Variants in SUPT4H1 observed in about 807,000 individuals in gnomAD.
SUPT4H1 encodes the protein transcription elongation factor SPT4.
In SUPT4H1, 12 loss-of-function variants were observed where a neutral mutation model predicts 19.4. The ratio of observed to expected loss-of-function variants is 0.62; its 90% CI spans 0.40 to 1.00. The LOEUF (loss-of-function observed/expected upper bound fraction) is 1.00, where lower values mean the gene tolerates loss of function less well. Among genes scored for constraint, SUPT4H1 ranks in the 50% least tolerant of loss-of-function variants. SUPT4H1 has a pLI of 0.00. For missense variants in SUPT4H1, 115 were observed against 149.2 expected, an observed-to-expected ratio of 0.77 and a Z score of 1.19; for synonymous variants, 58 against 56.3, an observed-to-expected ratio of 1.03 and a Z score of -0.14.
chr17:58,351,654 T>C, intron 1 of SUPT4H1, 146 bp from the exon 2 acceptor site: 1 of 612,704 alleles, frequency 1.6e-6, no homozygotes, highest in Non-Finnish European at 2.9e-6. Context: ...CCTACTACTC[T>C]CAAAGCTTCA....
At chr17:58,351,363 G>GT in intron 2 of SUPT4H1, 39 bp downstream of exon 2, 1 of 1,425,976 alleles carries the variant, frequency 7.0e-7, no homozygotes, top group East Asian at 2.3e-5. Context: ...TGCAGGTTGG[G>GT]TAATGCAGAA....
intron 2 of SUPT4H1, among the ~76,000 whole-genome samples, chr17:58,348,438 G>A (rs755553732): frequency 1.3e-5 from 2 of 152,020 alleles, no homozygotes; most frequent in Non-Finnish European, 2.9e-5. Context: ...TCAGCCATGC[G>A]CTGTTAAGTG....
rs376090165 is a variant in SUPT4H1, at chr17:58,347,567, C to T, written c.194G>A (p.Ser65Asn). The change falls in exon 3 of 5, where the codon AGT (serine) becomes AAT (asparagine). Residue 65 changes from serine to asparagine, a missense_variant. By Grantham distance (46) the Ser-to-Asn change is conservative (BLOSUM62 1). Transcript: ENST00000225504. ...SSFDGIIAMM[S>N]PEDSWVSKWQ... ...CTTGGAGACCCAGCTGTCCTCTGGA[C>T]TCATCATCGCAATGATTCTAGGGAG... The T allele has an allele frequency of 1.9e-6, 3 of 1,614,086 alleles. No individual in the cohort carries two copies. The highest frequency in any genetic ancestry group is 2.7e-5 in the African/African-American group (2 of 74,922).
Position 58,352,170 on chromosome 17 carries a change from G to T in SUPT4H1, c.-35C>A. 4.4e-6 allele frequency: 7 copies of T among 1,605,782 alleles called. No individual in the cohort carries two copies. Among genetic ancestry groups the T allele is most frequent in the Middle Eastern group, 1.7e-4 (1 of 6,042 alleles). Reference sequence around the variant, plus strand: ...TGGGAAGAACAACAGGGAGATAGACGACCACAGCCTGTGCACCCGCAGGAA... The same window carrying T: ...TGGGAAGAACAACAGGGAGATAGACTACCACAGCCTGTGCACCCGCAGGAA... On this transcript the variant is annotated 5_prime_UTR_variant, in exon 1 of 5. Transcript: ENST00000225504.
Position 58,346,182 on chromosome 17 carries a change from C to G in SUPT4H1, c.*64G>C. 7.4e-7 allele frequency: 1 copy of G among 1,358,692 alleles called. No homozygotes were observed. The highest frequency in any genetic ancestry group is 1.1e-6 in the Non-Finnish European group (1 of 948,982). The allele number at this position is 1,358,692 out of a possible 1,614,324, so 84.2% of individuals were successfully genotyped here. A position where few individuals can be genotyped will look rare whatever the true frequency, so the allele number is the denominator to read the frequency against. On this transcript the variant is annotated 3_prime_UTR_variant, in exon 5 of 5. Coordinates refer to ENST00000225504, the MANE Select transcript of SUPT4H1 (RefSeq NM_003168.3). ...TATTTGAAGTTCTGTTCATTTAGTT[C>G]CAGAACAAGAAATAAGCAGAGGCAG...
Position 58,347,250 on chromosome 17 carries a change from G to C in SUPT4H1, c.233-9C>G, listed in dbSNP as rs765465027. The C allele has an allele frequency of 3.1e-6, 5 of 1,613,372 alleles. No homozygotes were observed. In the African/African-American group the frequency reaches 6.7e-5, roughly 22 times the overall value. On this transcript the variant is annotated splice_polypyrimidine_tract_variant and intron_variant, in intron 3 of 4. Transcript: ENST00000225504. Reference sequence around the variant, plus strand: ...ACCTGGCTTAAAGTTACCTGAGAGAGAAGAAAAAAGATACAAGATTACAGT... The same window carrying C: ...ACCTGGCTTAAAGTTACCTGAGAGACAAGAAAAAAGATACAAGATTACAGT...
chr17:58,352,016 T>C, intron 1 of SUPT4H1, 51 bp downstream of exon 1: 1 of 1,600,178 alleles, frequency 6.2e-7, no homozygotes, highest in Non-Finnish European at 8.6e-7. Flanking sequence ...CCGCCCTCTT[T>C]CCCCGACCTT....
At chr17:58,351,305 G>T in intron 2 of SUPT4H1, 97 bp downstream of exon 2, 1 of 748,582 alleles carries the variant, frequency 1.3e-6, no homozygotes, top group Non-Finnish European at 2.2e-6. Flanking sequence ...AAAACGAATG[G>T]CTGGGCCCAA....
chr17:58,351,683 C>G lies in SUPT4H1; in HGVS notation c.70-175G>C, dbSNP rs539424986. 6 of 586,334 alleles carry G rather than the reference C, an allele frequency of 1.0e-5. No homozygotes were observed. In the African/African-American group the frequency reaches 1.1e-4, roughly 11 times the overall value. The allele number at this position is 586,334 out of a possible 1,614,324, so 36.3% of individuals were successfully genotyped here. ...AGCTTCATTCCTAAGTCCCACCCTCCCACTCCTTCCTCTCTCGTTCCCAAT... is the reference window on the plus strand; with the variant it reads ...AGCTTCATTCCTAAGTCCCACCCTCGCACTCCTTCCTCTCTCGTTCCCAAT... On this transcript the variant is annotated intron_variant, in intron 1 of 4. Coordinates refer to ENST00000225504, the MANE Select transcript of SUPT4H1 (RefSeq NM_003168.3).
chr17:58,348,771 A>G (rs1972385709), intron 2 of SUPT4H1, among the ~76,000 whole-genome samples: 1 of 152,198 alleles, frequency 6.6e-6, no homozygotes, highest in Non-Finnish European at 1.5e-5. Context: ...TTAAGAGGAA[A>G]GTACTACCTC....
At chr17:58,351,574 G>C (rs1380896522) in intron 1 of SUPT4H1, 66 bp from the exon 2 acceptor site, 7 of 1,152,366 alleles carry the variant, frequency 6.1e-6, no homozygotes, top group Non-Finnish European at 9.1e-6. Flanking sequence ...AGAAAAAGTA[G>C]CTTTCTCAAT....
intron 4 of SUPT4H1, among the ~76,000 whole-genome samples, chr17:58,346,577 G>A (rs1276805759): frequency 3.3e-5 from 5 of 151,976 alleles, no homozygotes; most frequent in Non-Finnish European, 7.4e-5. Flanking sequence ...TTAAAAATTA[G>A]CCAGGTGTAG....
chr17:58,346,773 C>T (rs1425194294), intron 4 of SUPT4H1, among the ~76,000 whole-genome samples: 3 of 146,736 alleles, frequency 2.0e-5, no homozygotes, highest in Admixed American at 1.4e-4. Flanking sequence ...CTAGTGAAGA[C>T]CCAGGCAGGT....
intron 4 of SUPT4H1, 33 bp downstream of exon 4, chr17:58,347,155 T>G (rs1217258269): frequency 6.3e-7 from 1 of 1,599,760 alleles, no homozygotes; most frequent in East Asian, 2.2e-5. Flanking sequence ...AGCTTTACAG[T>G]AAATGAACAT....
Position 58,352,168 on chromosome 17 carries a change from A to T in SUPT4H1, c.-33T>A. ...GATGGGAAGAACAACAGGGAGATAG[A>T]CGACCACAGCCTGTGCACCCGCAGG... On this transcript the variant is annotated 5_prime_UTR_variant, in exon 1 of 5. Transcript: ENST00000225504. 4 of 1,608,998 alleles carry T rather than the reference A, an allele frequency of 2.5e-6. No individual in the cohort carries two copies. The highest frequency in any genetic ancestry group is 1.7e-6 in the Non-Finnish European group (2 of 1,175,500).
intron 4 of SUPT4H1, among the ~76,000 whole-genome samples, chr17:58,346,663 C>T (rs1308930699): frequency 7.2e-6 from 1 of 138,720 alleles, no homozygotes; most frequent in Non-Finnish European, 1.5e-5. Flanking sequence ...TTCAAGGCTG[C>T]AGTGAGCTCT....
At chr17:58,350,665 G>T (rs929734462) in intron 2 of SUPT4H1, among the ~76,000 whole-genome samples, 1 of 151,046 alleles carries the variant, frequency 6.6e-6, no homozygotes, top group Non-Finnish European at 1.5e-5. Context: ...GTGAAACCCC[G>T]TCTCTACTAA....
At chr17:58,347,821 C>T (rs1484231303) in intron 2 of SUPT4H1, among the ~76,000 whole-genome samples, 1 of 152,230 alleles carries the variant, frequency 6.6e-6, no homozygotes, top group Non-Finnish European at 1.5e-5. Flanking sequence ...TTATCTCACT[C>T]AGCTCACAAA....
Position 58,346,097 on chromosome 17 carries a change from T to A in SUPT4H1, c.*149A>T, listed in dbSNP as rs374883923. 3.2e-6 allele frequency: 2 copies of A among 631,076 alleles called. No homozygotes were observed. The highest frequency in any genetic ancestry group is 5.6e-6 in the Non-Finnish European group (2 of 355,826). The allele number at this position is 631,076 out of a possible 1,614,324, so 39.1% of individuals were successfully genotyped here. ...CACCTGTAGTCCAAAGAAGATAAAA[T>A]GATAAAATGATGTGCTGCTCTCTCA... is the stretch of plus-strand genomic sequence containing the variant. On this transcript the variant is annotated 3_prime_UTR_variant, in exon 5 of 5. Transcript: ENST00000225504.
Sources: gnomAD v4.1 joint callset for allele counts (sites outside exome capture counted in the v4.1 genomes callset) on GRCh38, gnomAD v4.1.1 for gene constraint, MANE v1.5 for transcripts, NCBI Gene and HGNC (gene_info 2026-07-23, HGNC 2026-07-21) for gene names.